Variants in DCAF8L2 observed in about 807,000 individuals in gnomAD.
DCAF8L2 encodes DDB1 and CUL4 associated factor 8 like 2.
For synonymous variants in DCAF8L2, 200 were observed against 190.9 expected (o/e 1.05, Z -0.39); for missense variants, 430 against 490.7 (o/e 0.88, Z 1.17).
Position 27,704,154 on chromosome X carries a change from G to GTATATATATA in DCAF8L2, c.-142-11923_-142-11914dup, listed in dbSNP as rs34605340. On this transcript the variant is annotated intron_variant, in intron 3 of 4. Transcript: ENST00000451261. ...CTTGGTTATTGTGAATAGTGCTGCA[G>GTATATATATA]TATATATATATATATATATACATAT... Among the ~76,000 whole-genome samples, 593 of 76,083 alleles carry GTATATATATA rather than the reference G, an allele frequency of 7.8e-3. 16 individuals carry two copies. Among genetic ancestry groups the GTATATATATA allele is most frequent in the East Asian group, 0.032 (84 of 2,605 alleles). The allele number at this position is 76,083 out of a possible 115,157, so 66.1% of individuals were successfully genotyped here.
chrX:27,712,514 A>C (rs1931563499), intron 3 of DCAF8L2: 1 of 111,635 alleles, frequency 9.0e-6, no homozygotes, highest in Non-Finnish European at 1.9e-5. Context: ...GTGAGTTTAA[A>C]CACAAAATTT....
At chrX:27,543,206 G>A in the DCAF8L2 span, among the ~76,000 whole-genome samples, 2 of 112,318 alleles carry the variant, frequency 1.8e-5, no homozygotes, top group Non-Finnish European at 3.8e-5. Flanking sequence ...CATAAGGCTA[G>A]CCAGCTATCC....
the DCAF8L2 span, among the ~76,000 whole-genome samples, chrX:27,497,572 C>CT: frequency 1.1e-5 from 1 of 94,503 alleles, no homozygotes. Context: ...TTCTTTCTTT[C>CT]TTTCTTTCTT....
the DCAF8L2 span, among the ~76,000 whole-genome samples, chrX:27,583,370 A>G: frequency 3.2e-4 from 36 of 111,855 alleles, no homozygotes; most frequent in African/African-American, 1.1e-3. Context: ...CAGCCCTAGA[A>G]TCACTTGCTT....
chrX:27,724,291 G>A (rs1931998468), intron 4 of DCAF8L2, among the ~76,000 whole-genome samples: 1 of 110,604 alleles, frequency 9.0e-6, no homozygotes, highest in African/African-American at 3.3e-5. Context: ...TAGATGATAC[G>A]ATTACATATG....
At chrX:27,690,299 T>C (rs1930666893) in intron 3 of DCAF8L2, among the ~76,000 whole-genome samples, 1 of 111,390 alleles carries the variant, frequency 9.0e-6, no homozygotes, top group Non-Finnish European at 1.9e-5. Flanking sequence ...AGTTTGAATA[T>C]TTATTTGGGT....
the DCAF8L2 span, among the ~76,000 whole-genome samples, chrX:27,511,770 A>C: frequency 8.9e-6 from 1 of 112,156 alleles, no homozygotes; most frequent in Non-Finnish European, 1.9e-5. Context: ...CAACTTATGT[A>C]GATAAAAATG....
At chrX:27,692,484 A>G (rs1729178604) in intron 3 of DCAF8L2, among the ~76,000 whole-genome samples, 1 of 111,903 alleles carries the variant, frequency 8.9e-6, no homozygotes, top group South Asian at 3.7e-4. Flanking sequence ...TTTATTCTTT[A>G]TTTTCATTCA....
the DCAF8L2 span, among the ~76,000 whole-genome samples, chrX:27,503,555 C>G: frequency 1.7e-4 from 19 of 110,883 alleles, no homozygotes; most frequent in Non-Finnish European, 2.3e-4. Context: ...TATCCTTCCT[C>G]CATTGAATTG....
At chrX:27,475,837 AAGTT>A in the DCAF8L2 span, among the ~76,000 whole-genome samples, 10 of 111,632 alleles carry the variant, frequency 9.0e-5, no homozygotes, top group Non-Finnish European at 9.4e-5. Context: ...AAGTTAAATG[AAGTT>A]ATTTCAAGGA....
intron 3 of DCAF8L2, among the ~76,000 whole-genome samples, chrX:27,710,573 A>G (rs1157513662): frequency 8.9e-6 from 1 of 111,880 alleles, no homozygotes; most frequent in Non-Finnish European, 1.9e-5. Context: ...CTAATATTTT[A>G]TTCATTTTTG....
intron 3 of DCAF8L2, among the ~76,000 whole-genome samples, chrX:27,710,894 C>T (rs991724367): frequency 1.3e-4 from 14 of 111,273 alleles, no homozygotes; most frequent in African/African-American, 4.6e-4. Context: ...TGTAGATGCC[C>T]GTTATCTAAT....
intron 1 of DCAF8L2, among the ~76,000 whole-genome samples, chrX:27,630,132 A>G (rs1240995706): frequency 9.0e-6 from 1 of 111,559 alleles, no homozygotes; most frequent in South Asian, 3.7e-4. Context: ...TAAAAAGCTG[A>G]TTTTTCTCTG....
At chrX:27,705,555 C>CT (rs35071216) in intron 3 of DCAF8L2, among the ~76,000 whole-genome samples, 55,686 of 109,902 alleles carry the variant, frequency 0.51, 10,723 homozygotes, top group African/African-American at 0.66. Flanking sequence ...TGATGCTGAG[C>CT]TTTTTTTCAT....
chrX:27,551,943 C>T, the DCAF8L2 span, among the ~76,000 whole-genome samples: 1 of 111,936 alleles, frequency 8.9e-6, no homozygotes, highest in Non-Finnish European at 1.9e-5. Flanking sequence ...TAATTTATAT[C>T]CCTACCAATA....
chrX:27,663,673 A>G (rs1181816552), intron 2 of DCAF8L2, among the ~76,000 whole-genome samples: 2 of 108,942 alleles, frequency 1.8e-5, no homozygotes, highest in Admixed American at 1.0e-4. Flanking sequence ...AGACACAACA[A>G]TGTTGAAATT....
the DCAF8L2 span, among the ~76,000 whole-genome samples, chrX:27,502,315 T>C: frequency 9.3e-5 from 2 of 21,423 alleles, no homozygotes; most frequent in Non-Finnish European, 1.6e-4. Flanking sequence ...AGTGAAACTC[T>C]GTAAAAAAAA....
the DCAF8L2 span, among the ~76,000 whole-genome samples, chrX:27,472,784 G>A: frequency 9.0e-6 from 1 of 111,591 alleles, no homozygotes; most frequent in African/African-American, 3.3e-5. Flanking sequence ...TCTTTATCCA[G>A]TCTATCATTA....
chrX:27,519,551 T>C, the DCAF8L2 span: 1 of 734,083 alleles, frequency 1.4e-6, no homozygotes, highest in African/African-American at 2.0e-5. Flanking sequence ...AAAACTGTGA[T>C]GTCTACCCTC....
Sources: gnomAD v4.1 joint callset for allele counts (sites outside exome capture counted in the v4.1 genomes callset) on GRCh38, gnomAD v4.1.1 for gene constraint, MANE v1.5 for transcripts, NCBI Gene and HGNC (gene_info 2026-07-23, HGNC 2026-07-21) for gene names.